PTPRM: variants seen among roughly 807,000 people sequenced by gnomAD.
PTPRM encodes protein tyrosine phosphatase receptor type M, also known as receptor-type tyrosine-protein phosphatase mu.
A neutral mutation model predicts 186.7 loss-of-function variants in PTPRM; 47 were observed. That is an observed-to-expected ratio of 0.25 (90% CI 0.20 to 0.32). The LOEUF (loss-of-function observed/expected upper bound fraction) is 0.32. Among genes scored for constraint, PTPRM ranks in the 10% least tolerant of loss-of-function variants. The pLI is 1.00. For missense variants in PTPRM, 1,494 were observed against 1,865.0 expected (o/e 0.80, Z 3.66); for synonymous variants, 668 against 674.9 (o/e 0.99, Z 0.16).
At chr18:8,308,535 A>G (rs958040848) in intron 20 of PTPRM, among the ~76,000 whole-genome samples, 2 of 152,210 alleles carry the variant, frequency 1.3e-5, no homozygotes, top group Non-Finnish European at 2.9e-5. Flanking sequence ...CTAAATGTCA[A>G]CTTTTCAACA....
At chr18:7,914,607 A>G (rs188787812) in intron 4 of PTPRM, among the ~76,000 whole-genome samples, 2 of 143,086 alleles carry the variant, frequency 1.4e-5, no homozygotes, top group African/African-American at 5.3e-5. Context: ...GAATTTAATT[A>G]ATGTTAACTA....
intron 7 of PTPRM, among the ~76,000 whole-genome samples, chr18:7,972,478 T>TAAAAAAAAAAAAA (rs1491072208): frequency 1.2e-4 from 1 of 8,124 alleles, no homozygotes; most frequent in Non-Finnish European, 2.9e-4. Flanking sequence ...AAAAAAAACA[T>TAAAAAAAAAAAAA]TAAAAAAAAA....
chr18:7,711,676 G>A lies in PTPRM; in HGVS notation c.74-62473G>A, dbSNP rs552469769. On this transcript the variant is annotated intron_variant, in intron 1 of 32. Transcript: ENST00000580170. The stretch of plus-strand genomic sequence containing the variant: ...GGCATCTGCCATTACTGAGGTTTGA[G>A]TAAGCGGTTTTCCCCTCACAGTGTG... Among the ~76,000 whole-genome samples the A allele has an allele frequency of 1.6e-3, 243 of 152,282 alleles. 8 individuals are homozygous for A. The South Asian group carries it at 0.046, about 29-fold the overall frequency.
chr18:8,123,617 A>G (rs997570862), intron 13 of PTPRM, among the ~76,000 whole-genome samples: 2 of 152,144 alleles, frequency 1.3e-5, no homozygotes, highest in African/African-American at 2.4e-5. Context: ...TTGAAGTTCT[A>G]CTTGTTACAG....
chr18:8,021,153 G>T (rs2085193372), intron 7 of PTPRM, among the ~76,000 whole-genome samples: 1 of 152,116 alleles, frequency 6.6e-6, no homozygotes, highest in East Asian at 1.9e-4. Context: ...AGAAAATTAT[G>T]TTGGAAAATA....
chr18:7,871,070 A>G (rs1040667646), intron 2 of PTPRM, among the ~76,000 whole-genome samples: 10 of 152,224 alleles, frequency 6.6e-5, no homozygotes, highest in African/African-American at 2.4e-4. Context: ...TTTAATGTGA[A>G]CTGCTATTAC....
At chr18:7,621,551 C>T (rs535591684) in intron 1 of PTPRM, among the ~76,000 whole-genome samples, 20 of 152,260 alleles carry the variant, frequency 1.3e-4, no homozygotes, top group Non-Finnish European at 2.8e-4. Context: ...TATGTAATGG[C>T]ATATATCTGC....
chr18:8,367,632 G>C (rs955902695), intron 23 of PTPRM, among the ~76,000 whole-genome samples: 8 of 152,268 alleles, frequency 5.3e-5, no homozygotes, highest in Non-Finnish European at 1.0e-4. Context: ...CCTGGAACTG[G>C]GTGCGGGGGG....
At chr18:8,381,670 T>C (rs1268620231) in intron 29 of PTPRM, among the ~76,000 whole-genome samples, 2 of 152,200 alleles carry the variant, frequency 1.3e-5, no homozygotes, top group Non-Finnish European at 2.9e-5. Context: ...CTTACAGTCA[T>C]TTATAAAGAC....
rs559214790 is a variant in PTPRM, at chr18:7,598,347, T to A, written c.73+30456T>A. ...TGACTTAAGTGCTTGTGATTGTGTT[T>A]CTAGTTATACAAACTTTCATAGGAA... is the stretch of plus-strand genomic sequence containing the variant. On this transcript the variant is annotated intron_variant, in intron 1 of 32. Transcript: ENST00000580170. Among the ~76,000 whole-genome samples, 12 of 152,348 alleles carry A rather than the reference T, an allele frequency of 7.9e-5. No homozygotes were observed. The East Asian group carries it at 2.1e-3, about 27-fold the overall frequency.
chr18:7,788,539 C>T (rs530806034), intron 2 of PTPRM, among the ~76,000 whole-genome samples: 5 of 152,190 alleles, frequency 3.3e-5, no homozygotes, highest in South Asian at 4.2e-4. Flanking sequence ...GGAGTTTTAA[C>T]GGTGAAATTG....
rs370139661 is a variant in PTPRM at position 8,378,482 on chromosome 18, A to C, written c.3612+68A>C. ...CCTCAAGAAGGATTTCAAGGTCAGC[A>C]CCTGAGTGAGCCCTTGAATCACAAG... On this transcript the variant is annotated intron_variant, in intron 27 of 32. Transcript: ENST00000580170. 325 of 1,551,836 alleles carry C rather than the reference A, an allele frequency of 2.1e-4. 3 individuals are homozygous for C. In the South Asian group the frequency reaches 3.7e-3, roughly 18 times the overall value.
At chr18:8,258,827 C>A (rs545413549) in intron 19 of PTPRM, among the ~76,000 whole-genome samples, 2 of 151,260 alleles carry the variant, frequency 1.3e-5, no homozygotes, top group South Asian at 4.2e-4. Context: ...AGAGCTGAAA[C>A]GTATCAAAGA....
At position 8,201,073 on chromosome 18, in the gene PTPRM, T is replaced by C. The variant is rs1238665413; in HGVS notation, c.2301-42985T>C. Among the ~76,000 whole-genome samples, 8 of 152,298 alleles carry C rather than the reference T, an allele frequency of 5.3e-5. No individual in the cohort carries two copies. The South Asian group carries it at 6.2e-4, about 12-fold the overall frequency. ...GCTCCCGCCTGTAATCCCAGCACTT[T>C]GGGAAGCTGAGGCAGACAGATCACC... On this transcript the variant is annotated intron_variant, in intron 14 of 32. Transcript: ENST00000580170.
In PTPRM at chr18:8,244,099, G is replaced by T; in HGVS notation, c.2342G>T (p.Arg781Leu). 1 of 1,609,380 alleles carries T rather than the reference G, an allele frequency of 6.2e-7. No individual in the cohort carries two copies. The highest frequency in any genetic ancestry group is 8.5e-7 in the Non-Finnish European group (1 of 1,178,510). ...KKRKETMSST[R>L]QEMTVMVNSM... The stretch of plus-strand genomic sequence containing the variant: ...CGGAAAGAGACCATGAGCAGCACCC[G>T]ACAGGAGATGACTGTGATGGTGAAC... Residue 781 changes from arginine to leucine, a missense_variant, in exon 15 of 33, where the codon CGA (arginine) becomes CTA (leucine). Physicochemically the swap from Arg to Leu is moderately radical, Grantham distance 102 (BLOSUM62 -2). Transcript: ENST00000580170.
chr18:8,278,946 G>A (rs1160677664), intron 19 of PTPRM, among the ~76,000 whole-genome samples: 1 of 152,154 alleles, frequency 6.6e-6, no homozygotes, highest in East Asian at 1.9e-4. Context: ...TCAAGAGGGG[G>A]AGGGATAGCA....
intron 1 of PTPRM, among the ~76,000 whole-genome samples, chr18:7,696,225 A>G (rs190362365): frequency 1.3e-5 from 2 of 152,270 alleles, no homozygotes; most frequent in African/African-American, 4.8e-5. Flanking sequence ...TTATAGATCT[A>G]TTTTGACTTA....
At chr18:8,116,943 A>G (rs774700028) in intron 13 of PTPRM, among the ~76,000 whole-genome samples, 5 of 152,214 alleles carry the variant, frequency 3.3e-5, no homozygotes, top group Non-Finnish European at 7.3e-5. Flanking sequence ...ACATTTTAAT[A>G]TTTCCTGCAT....
intron 7 of PTPRM, among the ~76,000 whole-genome samples, chr18:8,044,250 GA>G (rs2148192773): frequency 6.6e-6 from 1 of 152,260 alleles, no homozygotes; most frequent in South Asian, 2.1e-4. Context: ...CACCCTATGA[GA>G]AAAATGATTC....
Sources: gnomAD v4.1 joint callset for allele counts (sites outside exome capture counted in the v4.1 genomes callset) on GRCh38, gnomAD v4.1.1 for gene constraint, MANE v1.5 for transcripts, NCBI Gene and HGNC (gene_info 2026-07-23, HGNC 2026-07-21) for gene names.